The following HS6ST2 variants were observed in gnomAD, a reference collection of about 807,000 sequenced individuals.
HS6ST2 encodes the protein heparan-sulfate 6-O-sulfotransferase 2.
Under a neutral mutation model 33.0 loss-of-function variants are expected in HS6ST2, and 17 were observed. The observed-to-expected ratio is 0.52, with a 90% CI of 0.35 to 0.77. The LOEUF is 0.77. Ranked by LOEUF, HS6ST2 falls within the 30% of genes least tolerant of loss-of-function variation. HS6ST2 has a pLI of 0.01. For missense variants in HS6ST2, 519 were observed against 551.7 expected, an observed-to-expected ratio of 0.94 and a Z score of 0.59; for synonymous variants, 248 against 237.1, an observed-to-expected ratio of 1.05 and a Z score of -0.42.
chrX:132,658,892 G>C (rs1292015840), intron 4 of HS6ST2, among the ~76,000 whole-genome samples: 1 of 111,367 alleles, frequency 9.0e-6, no homozygotes, highest in Admixed American at 9.6e-5. Flanking sequence ...TATTACGCCT[G>C]CCATACTGCA....
chrX:132,918,466 T>C (rs1332818686), intron 2 of HS6ST2, among the ~76,000 whole-genome samples: 1 of 112,206 alleles, frequency 8.9e-6, no homozygotes, highest in African/African-American at 3.2e-5. Context: ...CTGACAGCTA[T>C]AGATGGACAA....
rs2066880484 is a variant in HS6ST2 at position 132,940,942 on chromosome X, A to G, written c.947+15866T>C. 5.4e-5 allele frequency among the ~76,000 whole-genome samples: 6 copies of G among 111,879 alleles called. No individual in the cohort carries two copies. The South Asian group carries it at 2.3e-3, about 42-fold the overall frequency. ...ATCTGACCTCTGTGACATTCTCTAG[A>G]GAAGGCATTCTCAGCCAAAGGTCAC... On this transcript the variant is annotated intron_variant, in intron 2 of 4. Coordinates refer to ENST00000370833, the MANE Select transcript of HS6ST2 (RefSeq NM_001394073.1).
At chrX:132,662,327 A>C (rs769112298) in intron 4 of HS6ST2, among the ~76,000 whole-genome samples, 39 of 111,970 alleles carry the variant, frequency 3.5e-4, no homozygotes, top group Admixed American at 7.6e-4. Flanking sequence ...AAAATAGCAT[A>C]CTGTTTAACA....
intron 2 of HS6ST2, among the ~76,000 whole-genome samples, chrX:132,738,615 A>C (rs1453119151): frequency 8.9e-6 from 1 of 112,558 alleles, no homozygotes; most frequent in Non-Finnish European, 1.9e-5. Flanking sequence ...TATACTGGCT[A>C]TTTTATGCCT....
intron 2 of HS6ST2, among the ~76,000 whole-genome samples, chrX:132,820,046 T>A (rs956242437): frequency 8.9e-6 from 1 of 112,015 alleles, no homozygotes; most frequent in Non-Finnish European, 1.9e-5. Flanking sequence ...TCTGAAGCGT[T>A]TCATTCTAAG....
chrX:132,634,746 A>C (rs1019881872), intron 4 of HS6ST2, among the ~76,000 whole-genome samples: 1 of 112,207 alleles, frequency 8.9e-6, no homozygotes, highest in Non-Finnish European at 1.9e-5. Flanking sequence ...ATCTTGAGAT[A>C]GGGAGGAACT....
chrX:132,902,203 G>A (rs1327548162), intron 2 of HS6ST2, among the ~76,000 whole-genome samples: 1 of 109,310 alleles, frequency 9.1e-6, no homozygotes, highest in East Asian at 2.9e-4. Flanking sequence ...CTGGGCTCAA[G>A]CAATCCTCCC....
At chrX:132,721,959 C>T (rs1367570344) in intron 2 of HS6ST2, among the ~76,000 whole-genome samples, 2 of 110,389 alleles carry the variant, frequency 1.8e-5, no homozygotes, top group South Asian at 3.8e-4. Flanking sequence ...GAGGCCGAGA[C>T]GGGCGGATCA....
chrX:132,651,229 C>T (rs754540758), intron 4 of HS6ST2, among the ~76,000 whole-genome samples: 12 of 112,151 alleles, frequency 1.1e-4, no homozygotes, highest in Non-Finnish European at 2.1e-4. Context: ...AAGTTCCTTG[C>T]AGGTATGGAA....
intron 2 of HS6ST2, among the ~76,000 whole-genome samples, chrX:132,832,436 A>G (rs2065599301): frequency 2.7e-5 from 3 of 112,027 alleles, no homozygotes; most frequent in African/African-American, 9.7e-5. Context: ...CAAAATATTA[A>G]TGAAAAGGTT....
At chrX:132,796,973 G>A (rs189662846) in intron 2 of HS6ST2, among the ~76,000 whole-genome samples, 1 of 111,994 alleles carries the variant, frequency 8.9e-6, no homozygotes, top group East Asian at 2.8e-4. Flanking sequence ...TTAGGGTGAA[G>A]GCGAAGAGGT....
intron 3 of HS6ST2, among the ~76,000 whole-genome samples, chrX:132,671,039 G>A (rs1364072502): frequency 8.9e-6 from 1 of 112,008 alleles, no homozygotes; most frequent in Non-Finnish European, 1.9e-5. Context: ...TCACCAGAAT[G>A]TGGCCACATT....
intron 2 of HS6ST2, among the ~76,000 whole-genome samples, chrX:132,858,715 T>C (rs1370450663): frequency 2.9e-4 from 32 of 111,937 alleles, no homozygotes; most frequent in African/African-American, 9.7e-4. Flanking sequence ...CCAGGAAATG[T>C]GGAGATGGTG....
chrX:132,956,692 G>C, intron 2 of HS6ST2, 116 bp downstream of exon 2: 1 of 897,309 alleles, frequency 1.1e-6, no homozygotes, highest in Non-Finnish European at 1.5e-6. Context: ...GCCCAGCCGG[G>C]GTGCAAACGC....
intron 3 of HS6ST2, among the ~76,000 whole-genome samples, chrX:132,686,904 T>C (rs750025856): frequency 8.9e-6 from 1 of 111,962 alleles, no homozygotes; most frequent in Non-Finnish European, 1.9e-5. Flanking sequence ...ATGCTAGTGA[T>C]ACAAAGATAT....
chrX:132,918,170 C>T (rs2066613688), intron 2 of HS6ST2, among the ~76,000 whole-genome samples: 1 of 112,613 alleles, frequency 8.9e-6, no homozygotes, highest in African/African-American at 3.2e-5. Context: ...ATACGGAGCC[C>T]CCAAGCAACC....
intron 2 of HS6ST2, among the ~76,000 whole-genome samples, chrX:132,780,871 A>G (rs185860229): frequency 8.9e-6 from 1 of 111,938 alleles, no homozygotes; most frequent in East Asian, 2.8e-4. Context: ...GCTGAAGCTG[A>G]GCCTTGAGCC....
At chrX:132,746,496 CA>C (rs141608410) in intron 2 of HS6ST2, among the ~76,000 whole-genome samples, 2,352 of 104,141 alleles carry the variant, frequency 0.023, 45 homozygotes, top group East Asian at 0.13. Context: ...GACTCCGTCT[CA>C]AAAAAAAAAG....
At chrX:132,637,747 A>AAT (rs1188784351) in intron 4 of HS6ST2, among the ~76,000 whole-genome samples, 5 of 78,595 alleles carry the variant, frequency 6.4e-5, no homozygotes, top group African/African-American at 9.7e-5. Context: ...ATATATAAAA[A>AAT]ATATATATAT....
Sources: gnomAD v4.1 joint callset for allele counts (sites outside exome capture counted in the v4.1 genomes callset) on GRCh38, gnomAD v4.1.1 for gene constraint, MANE v1.5 for transcripts, NCBI Gene and HGNC (gene_info 2026-07-23, HGNC 2026-07-21) for gene names.